The following ANKRD55 variants were observed in gnomAD, a reference collection of about 807,000 sequenced individuals.
ANKRD55 encodes the protein ankyrin repeat domain 55.
A neutral mutation model predicts 60.6 loss-of-function variants in ANKRD55; 41 were observed. That is an observed-to-expected ratio of 0.68 (90% CI 0.53 to 0.88). The LOEUF (loss-of-function observed/expected upper bound fraction) is 0.88, where lower values mean the gene tolerates loss of function less well. ANKRD55 is among the 40% of genes least tolerant of loss of function. The probability of loss-of-function intolerance (pLI) is 0.00; values close to 1 mark genes in which losing one functional copy is unlikely to be tolerated. For synonymous variants in ANKRD55, 264 were observed against 290.3 expected, an observed-to-expected ratio of 0.91 and a Z score of 0.92; for missense variants, 732 against 767.6, an observed-to-expected ratio of 0.95 and a Z score of 0.55.
intron 2 of ANKRD55, among the ~76,000 whole-genome samples, chr5:56,186,587 A>G (rs1453646421): frequency 6.6e-6 from 1 of 152,258 alleles, no homozygotes; most frequent in Non-Finnish European, 1.5e-5. Flanking sequence ...AAGGCCTGGC[A>G]TATAATAGTG....
intron 7 of ANKRD55, among the ~76,000 whole-genome samples, chr5:56,138,092 A>T (rs1757658777): frequency 6.6e-6 from 1 of 151,498 alleles, no homozygotes; most frequent in Non-Finnish European, 1.5e-5. Flanking sequence ...AAAATGGTAC[A>T]GCCACTTTTG....
chr5:56,165,329 G>A (rs1391730850), intron 5 of ANKRD55, among the ~76,000 whole-genome samples: 3 of 152,222 alleles, frequency 2.0e-5, no homozygotes. Context: ...ATGGGCCTGT[G>A]TCTGTGCACA....
intron 2 of ANKRD55, among the ~76,000 whole-genome samples, chr5:56,202,009 T>C (rs980066662): frequency 5.3e-5 from 8 of 151,652 alleles, no homozygotes; most frequent in African/African-American, 1.9e-4. Flanking sequence ...ATGGATGGAG[T>C]TGGAAGCCAT....
chr5:56,157,993 C>T (rs1758238251), intron 6 of ANKRD55, among the ~76,000 whole-genome samples: 2 of 152,148 alleles, frequency 1.3e-5, no homozygotes, highest in African/African-American at 2.4e-5. Flanking sequence ...CCAGCCTGCT[C>T]AACATGGTGA....
At chr5:56,196,326 T>C (rs1226677237) in intron 2 of ANKRD55, among the ~76,000 whole-genome samples, 1 of 152,220 alleles carries the variant, frequency 6.6e-6, no homozygotes, top group Non-Finnish European at 1.5e-5. Flanking sequence ...AGTGTAGCTA[T>C]TGCATTTAAG....
At chr5:56,210,173 T>C (rs1759627641) in intron 2 of ANKRD55, among the ~76,000 whole-genome samples, 1 of 151,770 alleles carries the variant, frequency 6.6e-6, no homozygotes, top group Non-Finnish European at 1.5e-5. Context: ...ACCCCCGAAA[T>C]GGTCATTTTT....
At chr5:56,122,099 G>A (rs1201226569) in intron 8 of ANKRD55, among the ~76,000 whole-genome samples, 2 of 152,234 alleles carry the variant, frequency 1.3e-5, no homozygotes, top group African/African-American at 4.8e-5. Context: ...CTTGCTGGGA[G>A]ATAGAGTTGC....
At chr5:56,145,793 A>G (rs183620479) in intron 6 of ANKRD55, among the ~76,000 whole-genome samples, 56 of 152,324 alleles carry the variant, frequency 3.7e-4, no homozygotes, top group Non-Finnish European at 6.9e-4. Context: ...AGTTTCAAGT[A>G]TCATATGACA....
At chr5:56,158,115 A>T (rs28722705) in intron 6 of ANKRD55, among the ~76,000 whole-genome samples, 14,892 of 151,940 alleles carry the variant, frequency 0.098, 998 homozygotes, top group Middle Eastern at 0.17. Context: ...TGGGAGGCGG[A>T]GGCTGTAGTG....
intron 8 of ANKRD55, among the ~76,000 whole-genome samples, chr5:56,125,265 CTTACTTT>C (rs1217607979): frequency 6.6e-6 from 1 of 151,820 alleles, no homozygotes; most frequent in East Asian, 1.9e-4. Context: ...TAGGAAAACA[CTTACTTT>C]TTTCTTTTTT....
chr5:56,133,190 C>T (rs1468889376), intron 7 of ANKRD55, among the ~76,000 whole-genome samples: 1 of 152,084 alleles, frequency 6.6e-6, no homozygotes, highest in African/African-American at 2.4e-5. Flanking sequence ...CCTGTAATCC[C>T]AGCACTTTGG....
At chr5:56,135,473 G>A (rs987109736) in intron 7 of ANKRD55, among the ~76,000 whole-genome samples, 7 of 151,632 alleles carry the variant, frequency 4.6e-5, no homozygotes, top group African/African-American at 7.3e-5. Flanking sequence ...AGGTTCAAGC[G>A]ATTCTCCTGC....
rs571046980 is a variant in ANKRD55, at chr5:56,131,630, T to C, written c.613-4524A>G. Reference sequence around the variant, plus strand: ...GATCAATATGGAGAAACCCCGTCTCTGCTAAAAATACAAAAATTAGCCGGG... The same window carrying C: ...GATCAATATGGAGAAACCCCGTCTCCGCTAAAAATACAAAAATTAGCCGGG... On this transcript the variant is annotated intron_variant, in intron 7 of 11. Coordinates refer to ENST00000341048, the MANE Select transcript of ANKRD55 (RefSeq NM_024669.3). 3.3e-5 allele frequency among the ~76,000 whole-genome samples: 5 copies of C among 151,780 alleles called. No individual in the cohort carries two copies. The South Asian group carries it at 8.3e-4, about 25-fold the overall frequency.
At chr5:56,224,973 A>G (rs1158970168) in intron 2 of ANKRD55, among the ~76,000 whole-genome samples, 1 of 152,210 alleles carries the variant, frequency 6.6e-6, no homozygotes, top group African/African-American at 2.4e-5. Flanking sequence ...ATCCTCCCTA[A>G]CTCATTTTAT....
At chr5:56,137,395 T>C (rs1757635748) in intron 7 of ANKRD55, 4 of 979,280 alleles carry the variant, frequency 4.1e-6, no homozygotes, top group Admixed American at 1.7e-5. Context: ...AACCCATACA[T>C]GAGCTCTCCC....
chr5:56,134,063 G>GA (rs1355866463), intron 7 of ANKRD55, among the ~76,000 whole-genome samples: 1 of 113,172 alleles, frequency 8.8e-6, no homozygotes, highest in Non-Finnish European at 2.1e-5. Flanking sequence ...AGCCAGGCTA[G>GA]AAAAAAACAG....
chr5:56,178,609 A>G (rs1418474314), intron 3 of ANKRD55, among the ~76,000 whole-genome samples: 1 of 152,150 alleles, frequency 6.6e-6, no homozygotes, highest in African/African-American at 2.4e-5. Context: ...GTAACAAAAA[A>G]CAAAAGCAAC....
intron 5 of ANKRD55, among the ~76,000 whole-genome samples, chr5:56,169,150 C>T (rs1758550501): frequency 6.6e-6 from 1 of 152,186 alleles, no homozygotes; most frequent in Admixed American, 6.5e-5. Flanking sequence ...AGCCATGGCA[C>T]CTGGCCAGAA....
In ANKRD55 at chr5:56,099,773, T is replaced by G. The variant is rs866790786; in HGVS notation, c.*410A>C. 3 of 151,136 alleles carry G rather than the reference T, an allele frequency of 2.0e-5. No individual in the cohort carries two copies. Among genetic ancestry groups the G allele is most frequent in the Admixed American group, 6.6e-5 (1 of 15,218 alleles). The allele number at this position is 151,136 out of a possible 1,614,324, so 9.4% of individuals were successfully genotyped here. On this transcript the variant is annotated 3_prime_UTR_variant, in exon 12 of 12. Coordinates refer to ENST00000341048, the MANE Select transcript of ANKRD55 (RefSeq NM_024669.3). ...GAAGACATGTTTGTCTGGGATGTGG[T>G]TTTTTTTTTGTTTTGTTTTTTGCTT...
Sources: allele counts gnomAD v4.1 joint callset (sites outside exome capture counted in the v4.1 genomes callset), GRCh38; gene constraint gnomAD v4.1.1; transcripts MANE v1.5; gene names NCBI Gene and HGNC (gene_info 2026-07-23, HGNC 2026-07-21).